The following NXNL2 variants were observed in gnomAD, a reference collection of about 807,000 sequenced individuals.
NXNL2 encodes nucleoredoxin like 2, also known as nucleoredoxin-like protein 2.
Under a neutral mutation model 11.1 loss-of-function variants are expected in NXNL2, and 7 were observed. The observed-to-expected ratio is 0.63, with a 90% confidence interval of 0.36 to 1.18. NXNL2 has a LOEUF of 1.18. NXNL2 is among the 50% of genes most tolerant of loss of function. The pLI, the probability that NXNL2 is intolerant of heterozygous loss-of-function variation, is 0.02. For synonymous variants in NXNL2, 109 were observed against 101.8 expected, an observed-to-expected ratio of 1.07 and a Z score of -0.42; for missense variants, 233 against 217.7, an observed-to-expected ratio of 1.07 and a Z score of -0.44.
chr9:88,583,512 C>T (rs1830431246), intron 1 of NXNL2, among the ~76,000 whole-genome samples: 1 of 152,174 alleles, frequency 6.6e-6, no homozygotes, highest in Admixed American at 6.5e-5. Flanking sequence ...TCTGACTGTT[C>T]ACGGGTGACT....
chr9:88,538,636 G>A (rs1829682154), intron 1 of NXNL2, among the ~76,000 whole-genome samples: 1 of 152,124 alleles, frequency 6.6e-6, no homozygotes, highest in South Asian at 2.1e-4. Flanking sequence ...GCTGCACCAC[G>A]CCTCATTGAT....
chr9:88,535,533 C>G lies in NXNL2; in HGVS notation c.99C>G (p.Phe33Leu), dbSNP rs143205041. Residue 33 changes from phenylalanine (F) to leucine (L), a missense_variant, in exon 1 of 2, where the codon TTC becomes TTG. Coordinates refer to ENST00000375854, the MANE Select transcript of NXNL2 (RefSeq NM_001161625.2). ...ALQNKVVALY[F>L]AAARCAPSRD... ...AGAACAAGGTGGTGGCACTGTACTT[C>G]GCGGCGGCCCGGTGCGCGCCGAGCC... The G allele has an allele frequency of 1.8e-5, 29 of 1,607,494 alleles. No homozygotes were observed. The East Asian group carries it at 6.3e-4, about 35-fold the overall frequency.
chr9:88,546,621 G>A (rs551615610), downstream of NXNL2, among the ~76,000 whole-genome samples: 1 of 151,856 alleles, frequency 6.6e-6, no homozygotes, highest in Admixed American at 6.6e-5. Flanking sequence ...CTTCATGTTG[G>A]CCAGGCTGGT....
At chr9:88,561,860 G>A (rs558985111) in intron 1 of NXNL2, among the ~76,000 whole-genome samples, 2 of 152,334 alleles carry the variant, frequency 1.3e-5, no homozygotes, top group Admixed American at 6.5e-5. Context: ...TGTGCTGCTG[G>A]TGGGGATGCA....
At chr9:88,566,624 G>A (rs1830174432) in intron 1 of NXNL2, among the ~76,000 whole-genome samples, 1 of 152,028 alleles carries the variant, frequency 6.6e-6, no homozygotes, top group Non-Finnish European at 1.5e-5. Context: ...TTTTCTTTTA[G>A]GAGTTTTACA....
chr9:88,545,161 A>G (rs964619767), downstream of NXNL2, among the ~76,000 whole-genome samples: 3 of 152,244 alleles, frequency 2.0e-5, no homozygotes, highest in African/African-American at 7.2e-5. Context: ...GTATTACAAT[A>G]TCCTAGAAAG....
intron 1 of NXNL2, among the ~76,000 whole-genome samples, chr9:88,543,391 C>T (rs758108595): frequency 2.8e-4 from 42 of 152,044 alleles, no homozygotes; most frequent in South Asian, 1.7e-3. Context: ...CTCAGCCTGT[C>T]GAGTAGCTGG....
intron 1 of NXNL2, among the ~76,000 whole-genome samples, chr9:88,568,288 C>G (rs1408136048): frequency 1.3e-5 from 2 of 151,948 alleles, no homozygotes; most frequent in Non-Finnish European, 2.9e-5. Context: ...CTAGTGGCTA[C>G]TGAATGGGAT....
chr9:88,552,911 A>G (rs757266759), intron 1 of NXNL2, among the ~76,000 whole-genome samples: 2 of 152,214 alleles, frequency 1.3e-5, no homozygotes, highest in Admixed American at 6.5e-5. Context: ...ACTTTACACC[A>G]GAGGTAGGAA....
downstream of NXNL2, among the ~76,000 whole-genome samples, chr9:88,548,441 A>G (rs1487521637): frequency 7.1e-6 from 1 of 140,020 alleles, no homozygotes; most frequent in Non-Finnish European, 1.5e-5. Context: ...AGGTGTGTGG[A>G]TCACGAGGTC....
At chr9:88,561,036 T>C (rs1296583384) in intron 1 of NXNL2, among the ~76,000 whole-genome samples, 2 of 152,096 alleles carry the variant, frequency 1.3e-5, no homozygotes, top group African/African-American at 4.8e-5. Context: ...TAATACTGAG[T>C]GTCGACTTGA....
chr9:88,554,833 A>C (rs907170637), intron 1 of NXNL2, among the ~76,000 whole-genome samples: 1 of 152,138 alleles, frequency 6.6e-6, no homozygotes, highest in Non-Finnish European at 1.5e-5. Context: ...GGGCCCTATA[A>C]ATTTTTATAC....
At chr9:88,539,831 A>G (rs12682666) in intron 1 of NXNL2, 40,451 of 151,732 alleles carry the variant, frequency 0.27, 8,503 homozygotes, top group East Asian at 0.76. Flanking sequence ...GGGATTACAG[A>G]CACCCACCAC....
intron 1 of NXNL2, among the ~76,000 whole-genome samples, chr9:88,556,901 C>T (rs1213827923): frequency 1.3e-5 from 2 of 151,944 alleles, no homozygotes; most frequent in African/African-American, 4.8e-5. Context: ...CACGGTGAAA[C>T]CCCGTCTCTA....
chr9:88,547,314 C>T (rs1049256253), downstream of NXNL2, among the ~76,000 whole-genome samples: 1 of 152,236 alleles, frequency 6.6e-6, no homozygotes, highest in African/African-American at 2.4e-5. Context: ...GAGGCCTAGC[C>T]ACTGGCATTC....
At chr9:88,564,147 G>T (rs1289448591) in intron 1 of NXNL2, among the ~76,000 whole-genome samples, 5 of 150,982 alleles carry the variant, frequency 3.3e-5, no homozygotes, top group Non-Finnish European at 5.9e-5. Context: ...GGAGGCAGAG[G>T]TTGCAGTGAG....
intron 1 of NXNL2, among the ~76,000 whole-genome samples, chr9:88,539,000 C>A (rs1829691167): frequency 6.6e-6 from 1 of 152,136 alleles, no homozygotes; most frequent in Non-Finnish European, 1.5e-5. Context: ...GAGCAGCAAA[C>A]CACAGGCCTG....
At chr9:88,546,561 G>A (rs554969987), downstream of NXNL2, among the ~76,000 whole-genome samples, 9 of 151,686 alleles carry the variant, frequency 5.9e-5, 1 homozygote, top group African/African-American at 1.7e-4. Flanking sequence ...GATTAGAGGC[G>A]CCTGCCACCA....
At chr9:88,546,788 C>T (rs1045929809), downstream of NXNL2, among the ~76,000 whole-genome samples, 6 of 152,090 alleles carry the variant, frequency 3.9e-5, no homozygotes, top group South Asian at 2.1e-4. Context: ...GCCTTCTTTC[C>T]GAGAACTGTG....
Sources: allele counts gnomAD v4.1 joint callset (sites outside exome capture counted in the v4.1 genomes callset), GRCh38; gene constraint gnomAD v4.1.1; transcripts MANE v1.5; gene names NCBI Gene and HGNC (gene_info 2026-07-23, HGNC 2026-07-21).